Variants in RALGAPA2 observed in about 807,000 individuals in gnomAD.
RALGAPA2 encodes the protein ral GTPase-activating protein subunit alpha-2.
RALGAPA2 carries 139 observed loss-of-function variants against 230.4 expected under a neutral mutation model. The observed-to-expected ratio is 0.60, with a 90% CI of 0.53 to 0.69. The LOEUF (loss-of-function observed/expected upper bound fraction) is 0.69. RALGAPA2 is among the 30% of genes least tolerant of loss of function. The pLI, the probability that RALGAPA2 is intolerant of heterozygous loss-of-function variation, is 0.00. For synonymous variants in RALGAPA2, 847 were observed against 837.8 expected (o/e 1.01, Z -0.19); for missense variants, 2,163 against 2,276.0 (o/e 0.95, Z 1.01).
chr20:20,566,294 T>C (rs1242629338), intron 23 of RALGAPA2, among the ~76,000 whole-genome samples: 2 of 151,794 alleles, frequency 1.3e-5, no homozygotes, highest in Non-Finnish European at 2.9e-5. Context: ...TTGGGTGGGG[T>C]GAAAAGTGAG....
At chr20:20,541,826 C>T (rs902720506) in intron 24 of RALGAPA2, among the ~76,000 whole-genome samples, 1 of 152,142 alleles carries the variant, frequency 6.6e-6, no homozygotes, top group Non-Finnish European at 1.5e-5. Flanking sequence ...AAAATGACCA[C>T]CATGTGTGAT....
intron 35 of RALGAPA2, 53 bp downstream of exon 35, chr20:20,503,298 G>A (rs1418390817): frequency 6.4e-6 from 9 of 1,406,368 alleles, no homozygotes; most frequent in Non-Finnish European, 8.6e-6. Context: ...TCCTAGGAGA[G>A]CCTCACCTAC....
At chr20:20,573,525 G>T (rs1424411283) in intron 20 of RALGAPA2, among the ~76,000 whole-genome samples, 1 of 152,174 alleles carries the variant, frequency 6.6e-6, no homozygotes, top group Non-Finnish European at 1.5e-5. Context: ...ATACGTTCAT[G>T]CAACTGTTGC....
intron 37 of RALGAPA2, among the ~76,000 whole-genome samples, chr20:20,443,409 A>T (rs1426871749): frequency 1.3e-5 from 2 of 152,212 alleles, no homozygotes; most frequent in Admixed American, 6.5e-5. Flanking sequence ...GGGGCATGGG[A>T]GAACTATGAA....
At chr20:20,635,366 G>A (rs2066822600) in intron 9 of RALGAPA2, 52 bp downstream of exon 9, 23 of 1,497,034 alleles carry the variant, frequency 1.5e-5, no homozygotes, top group Non-Finnish European at 2.0e-5. Flanking sequence ...CTATGTTCCA[G>A]TGTATTTTAT....
intron 13 of RALGAPA2, among the ~76,000 whole-genome samples, chr20:20,615,610 A>G (rs1043236687): frequency 9.2e-5 from 14 of 152,240 alleles, no homozygotes; most frequent in Non-Finnish European, 1.6e-4. Flanking sequence ...TGCACTATGT[A>G]TTTAGTTTCT....
chr20:20,576,412 G>A (rs2064821125), intron 20 of RALGAPA2, among the ~76,000 whole-genome samples: 1 of 152,008 alleles, frequency 6.6e-6, no homozygotes, highest in Non-Finnish European at 1.5e-5. Flanking sequence ...TGACCTTCAT[G>A]GTTTTTAAGG....
chr20:20,512,376 C>A, intron 32 of RALGAPA2, 137 bp downstream of exon 32: 1 of 914,310 alleles, frequency 1.1e-6, no homozygotes, highest in Non-Finnish European at 1.6e-6. Flanking sequence ...AAATAAGCTG[C>A]AAATGTTAAA....
chr20:20,456,892 G>T (rs2061134984), intron 37 of RALGAPA2, among the ~76,000 whole-genome samples: 2 of 151,514 alleles, frequency 1.3e-5, no homozygotes, highest in African/African-American at 4.9e-5. Context: ...CAATCATATT[G>T]CACTACAGCC....
At chr20:20,468,182 T>C (rs1235092122) in intron 37 of RALGAPA2, among the ~76,000 whole-genome samples, 1 of 152,108 alleles carries the variant, frequency 6.6e-6, no homozygotes, top group Non-Finnish European at 1.5e-5. Flanking sequence ...AGAAGAGAGA[T>C]GAGATTGTCT....
intron 10 of RALGAPA2, among the ~76,000 whole-genome samples, chr20:20,626,163 C>G (rs2066484320): frequency 6.6e-6 from 1 of 152,190 alleles, no homozygotes; most frequent in African/African-American, 2.4e-5. Flanking sequence ...GCTTAAACAT[C>G]TGTGAATCTT....
chr20:20,406,972 G>C, intron 38 of RALGAPA2, among the ~76,000 whole-genome samples: 1 of 152,224 alleles, frequency 6.6e-6, no homozygotes, highest in East Asian at 1.9e-4. Context: ...TATGAATAAA[G>C]AGCTGGTAGC....
At chr20:20,599,294 A>G (rs2065560949) in intron 16 of RALGAPA2, among the ~76,000 whole-genome samples, 1 of 152,226 alleles carries the variant, frequency 6.6e-6, no homozygotes, top group Non-Finnish European at 1.5e-5. Context: ...AGAACACATA[A>G]AAGTCAAGTT....
chr20:20,687,914 T>C (rs753901241), intron 1 of RALGAPA2, among the ~76,000 whole-genome samples: 129 of 152,278 alleles, frequency 8.5e-4, no homozygotes, highest in Non-Finnish European at 1.5e-3. Flanking sequence ...TCAACAGTGA[T>C]CCATGCTAGC....
intron 37 of RALGAPA2, among the ~76,000 whole-genome samples, chr20:20,465,215 ACAG>A (rs2061394296): frequency 7.3e-6 from 1 of 136,564 alleles, no homozygotes; most frequent in Non-Finnish European, 1.6e-5. Flanking sequence ...ATACTAGGGG[ACAG>A]CAGCAGAATG....
intron 36 of RALGAPA2, among the ~76,000 whole-genome samples, chr20:20,487,578 T>A (rs1397056904): frequency 6.6e-6 from 1 of 152,088 alleles, no homozygotes; most frequent in Non-Finnish European, 1.5e-5. Context: ...TGGTATTAAG[T>A]GTTTCCGTTC....
intron 36 of RALGAPA2, among the ~76,000 whole-genome samples, chr20:20,473,887 T>G (rs1240347175): frequency 1.3e-5 from 2 of 152,216 alleles, no homozygotes; most frequent in Middle Eastern, 3.2e-3. Context: ...CCCCTATTCA[T>G]GTATTCAGAA....
At chr20:20,513,505 T>C (rs755687708) in intron 31 of RALGAPA2, among the ~76,000 whole-genome samples, 7 of 152,138 alleles carry the variant, frequency 4.6e-5, no homozygotes, top group Non-Finnish European at 8.8e-5. Context: ...TCGTGAAGGA[T>C]GTTCCAGATC....
chr20:20,463,277 A>C (rs2061344663), intron 37 of RALGAPA2, among the ~76,000 whole-genome samples: 1 of 152,146 alleles, frequency 6.6e-6, no homozygotes, highest in South Asian at 2.1e-4. Flanking sequence ...AGAGAACAAA[A>C]TAAACCTGAA....
Sources: gnomAD v4.1 joint callset for allele counts (sites outside exome capture counted in the v4.1 genomes callset) on GRCh38, gnomAD v4.1.1 for gene constraint, MANE v1.5 for transcripts, NCBI Gene and HGNC (gene_info 2026-07-23, HGNC 2026-07-21) for gene names.